Variants in VPS13A observed in about 807,000 individuals in gnomAD.
VPS13A encodes vacuolar protein sorting 13 homolog A.
A neutral mutation model predicts 390.9 loss-of-function variants in VPS13A; 264 were observed. The ratio of observed to expected loss-of-function variants is 0.68; its 90% CI spans 0.61 to 0.75. The LOEUF (loss-of-function observed/expected upper bound fraction) is 0.75, where lower values mean the gene tolerates loss of function less well. Among genes scored for constraint, VPS13A ranks in the 30% least tolerant of loss-of-function variants. The probability of loss-of-function intolerance (pLI) is 0.00; values close to 1 mark genes in which losing one functional copy is unlikely to be tolerated. For missense variants in VPS13A, 3,409 were observed against 3,733.9 expected (o/e 0.91, Z 2.27); for synonymous variants, 1,231 against 1,227.1 (o/e 1.00, Z -0.07).
rs2131198187 is a variant in VPS13A, at chr9:77,227,425, T to C, written c.1392T>C (p.Ala464=). The stretch of plus-strand genomic sequence containing the variant: ...AAATGTTGACACCTGAAGAAAAAGC[T>C]TTACTCTATGAAGCAATTGGCTATA... ...LEEMLTPEEK[A]LLYEAIGYSE... Residue 464 remains alanine (A), a synonymous_variant, in exon 16 of 72, where the codon GCT becomes GCC. Transcript: ENST00000360280. The C allele has an allele frequency of 6.2e-7, 1 of 1,613,670 alleles. No homozygotes were observed. Among genetic ancestry groups the C allele is most frequent in the Admixed American group, 1.7e-5 (1 of 59,988 alleles).
intron 20 of VPS13A, among the ~76,000 whole-genome samples, chr9:77,249,841 T>C (rs1587417792): frequency 1.3e-5 from 2 of 152,238 alleles, no homozygotes; most frequent in South Asian, 2.1e-4. Context: ...TGTAGACATA[T>C]TATTCTTCAG....
intron 13 of VPS13A, among the ~76,000 whole-genome samples, chr9:77,224,243 C>T (rs1823382748): frequency 6.6e-6 from 1 of 152,180 alleles, no homozygotes; most frequent in Non-Finnish European, 1.5e-5. Context: ...AACACCACAT[C>T]TGTTCTGCCA....
intron 3 of VPS13A, among the ~76,000 whole-genome samples, chr9:77,204,581 AC>A (rs1159484265): frequency 1.3e-5 from 2 of 152,328 alleles, no homozygotes; most frequent in East Asian, 3.9e-4. Flanking sequence ...ACACACATAT[AC>A]ATAATGAAAA....
chr9:77,403,283 CATG>C lies in VPS13A; in HGVS notation c.9240_9242del (p.Met3080del). 6.2e-7 allele frequency: 1 copy of C among 1,612,346 alleles called. No homozygotes were observed. The highest frequency in any genetic ancestry group is 8.5e-7 in the Non-Finnish European group (1 of 1,179,630). ...CAAAATACAAATATTTTACCCATGT[CATG>C]ATCAATAAGACAGATATGCTAATGA... On this transcript the variant is annotated inframe_deletion, in exon 69 of 72. Coordinates refer to ENST00000360280, the MANE Select transcript of VPS13A (RefSeq NM_033305.3).
chr9:77,222,438 A>T (rs952989637), intron 13 of VPS13A, among the ~76,000 whole-genome samples: 10 of 152,330 alleles, frequency 6.6e-5, no homozygotes, highest in Admixed American at 6.5e-4. Flanking sequence ...GCTTATTTCA[A>T]TAGCTATGAC....
chr9:77,243,795 G>C (rs1824643720), intron 19 of VPS13A, among the ~76,000 whole-genome samples: 1 of 152,106 alleles, frequency 6.6e-6, no homozygotes, highest in South Asian at 2.1e-4. Flanking sequence ...ATAAAACTAA[G>C]AGCAATATAC....
intron 1 of VPS13A, among the ~76,000 whole-genome samples, chr9:77,193,292 A>G (rs930380901): frequency 6.6e-6 from 1 of 151,644 alleles, no homozygotes; most frequent in African/African-American, 2.4e-5. Context: ...CTTTCTCCCG[A>G]ATTTCGGTAT....
chr9:77,368,769 A>C (rs1446284550), intron 62 of VPS13A, among the ~76,000 whole-genome samples: 1 of 152,210 alleles, frequency 6.6e-6, no homozygotes, highest in African/African-American at 2.4e-5. Flanking sequence ...AATATTCTAG[A>C]GCTTTACATG....
intron 4 of VPS13A, 145 bp downstream of exon 4, chr9:77,205,553 C>T (rs1825590485): frequency 2.8e-6 from 1 of 351,550 alleles, no homozygotes; most frequent in Non-Finnish European, 5.0e-6. Context: ...TTGGTTTTTA[C>T]TCTACATTTT....
At chr9:77,315,563 T>C (rs1829336133) in intron 38 of VPS13A, 93 bp downstream of exon 38, 1 of 1,214,362 alleles carries the variant, frequency 8.2e-7, no homozygotes, top group East Asian at 2.5e-5. Flanking sequence ...TCAAAGTAAA[T>C]GCTTTAAGAA....
Position 77,205,359 on chromosome 9 carries a change from T to C in VPS13A, c.234T>C (p.Pro78=). The stretch of plus-strand genomic sequence containing the variant: ...CATGGAAAAACCTTTATACTCAACC[T>C]GTTGAAGCCGTATTGGAAGAAATTT... ...IIPWKNLYTQ[P]VEAVLEEIYL... is the part of the protein sequence containing the mutation. Residue 78 remains proline, a synonymous_variant, in exon 4 of 72, where the codon CCT becomes CCC. Transcript: ENST00000360280. 6.7e-7 allele frequency: 1 copy of C among 1,502,478 alleles called. No homozygotes were observed. Among genetic ancestry groups the C allele is most frequent in the South Asian group, 1.5e-5 (1 of 67,922 alleles). The allele number at this position is 1,502,478 out of a possible 1,614,324, so 93.1% of individuals were successfully genotyped here.
intron 1 of VPS13A, among the ~76,000 whole-genome samples, chr9:77,190,323 A>G (rs141624168): frequency 1.3e-5 from 2 of 152,296 alleles, no homozygotes; most frequent in Non-Finnish European, 2.9e-5. Flanking sequence ...AATTTTATCA[A>G]AAGTCCTGAA....
rs1384091428 is a variant in VPS13A at position 77,340,439 on chromosome 9, T to C, written c.6915T>C (p.Ile2305=). ...CTATAGACCTGAGCAGTTTTAACAT[T>C]ACTAGAATTGTGACATTTACCCCTT... ...GVTIDLSSFN[I]TRIVTFTPFY... is the part of the protein sequence containing the mutation. The change falls in exon 50 of 72, where the codon ATT becomes ATC. Residue 2305 remains isoleucine (I), a synonymous_variant. Transcript: ENST00000360280. The C allele has an allele frequency of 1.2e-6, 2 of 1,613,582 alleles. No individual in the cohort carries two copies. The highest frequency in any genetic ancestry group is 4.5e-5 in the East Asian group (2 of 44,756).
chr9:77,328,885 A>C (rs1210175911), intron 45 of VPS13A, among the ~76,000 whole-genome samples: 4 of 152,214 alleles, frequency 2.6e-5, no homozygotes, highest in Non-Finnish European at 2.9e-5. Flanking sequence ...AGGTTTAATT[A>C]ACTCATAGTG....
chr9:77,308,758 C>A (rs1327084663), intron 35 of VPS13A, among the ~76,000 whole-genome samples: 1 of 152,108 alleles, frequency 6.6e-6, no homozygotes, highest in East Asian at 1.9e-4. Flanking sequence ...CTCATTCTGG[C>A]ATTATAGGGG....
chr9:77,215,858 T>C (rs1475209745), intron 10 of VPS13A, among the ~76,000 whole-genome samples: 1 of 152,222 alleles, frequency 6.6e-6, no homozygotes, highest in Non-Finnish European at 1.5e-5. Flanking sequence ...TTAGGGAGCC[T>C]CATGGAGGGG....
At chr9:77,406,406 A>G (rs952006663) in intron 70 of VPS13A, among the ~76,000 whole-genome samples, 23 of 151,930 alleles carry the variant, frequency 1.5e-4, no homozygotes, top group African/African-American at 5.1e-4. Flanking sequence ...CCTTATATCT[A>G]CAATTCTGCA....
Position 77,370,200 on chromosome 9 carries a change from C to T in VPS13A, c.8668-57C>T, listed in dbSNP as rs1465975660. ...CTTTCGTCGTATATATCCGTAAGCTCATCTTTAAAAGTGAATATAACTCAC... is the reference window on the plus strand; with the variant it reads ...CTTTCGTCGTATATATCCGTAAGCTTATCTTTAAAAGTGAATATAACTCAC... On this transcript the variant is annotated intron_variant, in intron 63 of 71. Coordinates refer to ENST00000360280, the MANE Select transcript of VPS13A (RefSeq NM_033305.3). 6.9e-6 allele frequency: 11 copies of T among 1,584,074 alleles called. No homozygotes were observed. The East Asian group carries it at 1.8e-4, about 26-fold the overall frequency.
intron 19 of VPS13A, among the ~76,000 whole-genome samples, chr9:77,243,299 GGGAAATA>G (rs1824614090): frequency 6.6e-6 from 1 of 152,024 alleles, no homozygotes; most frequent in Non-Finnish European, 1.5e-5. Context: ...ATCCTTAATT[GGGAAATA>G]GGAAATTCAG....
Sources: gnomAD v4.1 joint callset for allele counts (sites outside exome capture counted in the v4.1 genomes callset) on GRCh38, gnomAD v4.1.1 for gene constraint, MANE v1.5 for transcripts, NCBI Gene and HGNC (gene_info 2026-07-23, HGNC 2026-07-21) for gene names.